Variants in USP7 observed in about 807,000 individuals in gnomAD.
The protein encoded by USP7 is ubiquitin specific peptidase 7.
A neutral mutation model predicts 162.9 loss-of-function variants in USP7; 9 were observed. The ratio of observed to expected loss-of-function variants is 0.06; its 90% CI spans 0.03 to 0.10. The LOEUF is 0.10. USP7 is among the 10% of genes least tolerant of loss of function. USP7 has a pLI of 1.00. For synonymous variants in USP7, 562 were observed against 475.9 expected, an observed-to-expected ratio of 1.18 and a Z score of -2.35; for missense variants, 715 against 1,373.7, an observed-to-expected ratio of 0.52 and a Z score of 7.58.
intron 1 of USP7, among the ~76,000 whole-genome samples, chr16:8,960,382 G>T (rs1899964359): frequency 6.6e-6 from 1 of 152,298 alleles, no homozygotes; most frequent in Non-Finnish European, 1.5e-5. Flanking sequence ...GAGCACTGCT[G>T]TTTTCCAATG....
At chr16:8,914,400 A>G (rs2141198719) in intron 10 of USP7, among the ~76,000 whole-genome samples, 2 of 151,854 alleles carry the variant, frequency 1.3e-5, no homozygotes, top group South Asian at 4.1e-4. Flanking sequence ...CACACCCTAC[A>G]GGCCAGTAAT....
intron 1 of USP7, among the ~76,000 whole-genome samples, chr16:8,960,931 G>A (rs1899981976): frequency 6.6e-6 from 1 of 152,148 alleles, no homozygotes; most frequent in Non-Finnish European, 1.5e-5. Context: ...TACAAGAAAA[G>A]GGACCTCCTG....
rs1899630398 is a variant in USP7 at position 8,953,074 on chromosome 16, ATC to A, written c.79+10131_79+10132del. On this transcript the variant is annotated intron_variant, in intron 1 of 30. Transcript: ENST00000344836. Reference sequence around the variant, plus strand: ...CTGGTCTTGAACCCCTGACCTCGTAATCTGTCGCCTTGGCCTCCCGAAATGCT... The same window carrying A: ...CTGGTCTTGAACCCCTGACCTCGTAATGTCGCCTTGGCCTCCCGAAATGCT... Among the ~76,000 whole-genome samples the A allele has an allele frequency of 4.6e-5, 7 of 152,066 alleles. No individual in the cohort carries two copies. In the South Asian group the frequency reaches 1.5e-3, roughly 32 times the overall value.
chr16:8,949,487 G>A (rs1017422196), intron 1 of USP7: 1 of 152,232 alleles, frequency 6.6e-6, no homozygotes, highest in African/African-American at 2.4e-5. Flanking sequence ...CAATACAATG[G>A]ACATACCCAG....
chr16:8,953,228 A>C (rs1295858580), intron 1 of USP7, among the ~76,000 whole-genome samples: 1 of 151,954 alleles, frequency 6.6e-6, no homozygotes, highest in Non-Finnish European at 1.5e-5. Flanking sequence ...TGTCTCTCCT[A>C]TGCCACAGCT....
chr16:8,902,540 A>G (rs909834257), intron 16 of USP7, 58 bp from the exon 17 acceptor site: 17 of 1,390,246 alleles, frequency 1.2e-5, no homozygotes, highest in Middle Eastern at 2.3e-4. Context: ...TTAGTCCTCT[A>G]TATTACACAC....
intron 1 of USP7, among the ~76,000 whole-genome samples, chr16:8,932,612 T>G (rs62031303): frequency 1.2e-5 from 1 of 85,530 alleles, no homozygotes; most frequent in African/African-American, 2.7e-5. Flanking sequence ...ACATGCTAAA[T>G]TTAAAAAAGA....
intron 1 of USP7, among the ~76,000 whole-genome samples, chr16:8,940,756 G>A (rs906411161): frequency 6.6e-6 from 1 of 152,128 alleles, no homozygotes; most frequent in Non-Finnish European, 1.5e-5. Context: ...GCCTCTCCTA[G>A]GTGAAGCTCA....
intron 6 of USP7, 79 bp from the exon 7 acceptor site, chr16:8,917,235 A>G (rs543560523): frequency 6.5e-5 from 95 of 1,459,284 alleles, no homozygotes; most frequent in Non-Finnish European, 8.1e-5. Context: ...TTTAATCTTC[A>G]TGTTTAAAAA....
In USP7 at chr16:8,909,565, C is replaced by G. The variant is rs373361967; in HGVS notation, c.1162-1115G>C. ...ACTGCTCAACCAGACCCTAAAACAT[C>G]CAGAATAGAGAACAGTAATTCTCGT... On this transcript the variant is annotated intron_variant, in intron 11 of 30. Transcript: ENST00000344836. Among the ~76,000 whole-genome samples, 30 of 152,312 alleles carry G rather than the reference C, an allele frequency of 2.0e-4. No individual in the cohort carries two copies. In the East Asian group the frequency reaches 5.0e-3, roughly 25 times the overall value.
intron 30 of USP7, 142 bp downstream of exon 30, chr16:8,894,408 T>C (rs2061649945): frequency 1.4e-6 from 1 of 733,818 alleles, no homozygotes. Context: ...GGTTATGGAA[T>C]GCTATTGCTC....
At chr16:8,946,003 G>A (rs572549936) in intron 1 of USP7, among the ~76,000 whole-genome samples, 2 of 152,144 alleles carry the variant, frequency 1.3e-5, no homozygotes, top group Non-Finnish European at 2.9e-5. Flanking sequence ...AGGGGAGAAT[G>A]GAAGAGTCCA....
intron 1 of USP7, among the ~76,000 whole-genome samples, chr16:8,945,512 T>C (rs1899236810): frequency 6.6e-6 from 1 of 152,194 alleles, no homozygotes; most frequent in Non-Finnish European, 1.5e-5. Flanking sequence ...ACAGACACCT[T>C]GAACATTTCT....
intron 23 of USP7, 68 bp from the exon 24 acceptor site, chr16:8,898,707 A>C (rs183210945): frequency 7.6e-7 from 1 of 1,313,012 alleles, no homozygotes; most frequent in African/African-American, 1.5e-5. Flanking sequence ...TCTGTGAGTG[A>C]GCATAAAAGC....
At chr16:8,915,134 A>T in intron 10 of USP7, 120 bp downstream of exon 10, 1 of 965,808 alleles carries the variant, frequency 1.0e-6, no homozygotes, top group African/African-American at 1.6e-5. Flanking sequence ...CTGTTTGCTT[A>T]AGATCTGAGC....
At chr16:8,902,595 G>C in intron 16 of USP7, 113 bp from the exon 17 acceptor site, 1 of 912,092 alleles carries the variant, frequency 1.1e-6, no homozygotes, top group South Asian at 1.9e-5. Context: ...TCAATGTTAA[G>C]ACTGTGATCG....
intron 2 of USP7, among the ~76,000 whole-genome samples, chr16:8,923,846 A>G (rs1897844028): frequency 6.6e-6 from 1 of 152,204 alleles, no homozygotes; most frequent in East Asian, 1.9e-4. Flanking sequence ...CACGGAACAC[A>G]CAGGCAGGAC....
At chr16:8,926,031 G>A (rs1897968530) in intron 2 of USP7, among the ~76,000 whole-genome samples, 1 of 152,084 alleles carries the variant, frequency 6.6e-6, no homozygotes, top group Non-Finnish European at 1.5e-5. Context: ...GCTGGCGCCT[G>A]TAGTCCCAGC....
chr16:8,949,106 G>A (rs1899433088), intron 1 of USP7, among the ~76,000 whole-genome samples: 1 of 152,224 alleles, frequency 6.6e-6, no homozygotes, highest in Non-Finnish European at 1.5e-5. Flanking sequence ...TCACACAATT[G>A]TGAATACTAA....
Sources: allele counts gnomAD v4.1 joint callset (sites outside exome capture counted in the v4.1 genomes callset), GRCh38; gene constraint gnomAD v4.1.1; transcripts MANE v1.5; gene names NCBI Gene and HGNC (gene_info 2026-07-23, HGNC 2026-07-21).